NMT2: variants seen among roughly 807,000 people sequenced by gnomAD.
NMT2 encodes glycylpeptide N-tetradecanoyltransferase 2.
Under a neutral mutation model 65.4 loss-of-function variants are expected in NMT2, and 35 were observed. That is an observed-to-expected ratio of 0.54 (90% CI 0.41 to 0.71). NMT2 has a LOEUF of 0.71. Ranked by LOEUF, NMT2 falls within the 30% of genes least tolerant of loss-of-function variation. The probability of loss-of-function intolerance (pLI) is 0.00; values close to 1 mark genes in which losing one functional copy is unlikely to be tolerated. For missense variants in NMT2, 489 were observed against 611.3 expected (o/e 0.80, Z 2.11); for synonymous variants, 226 against 231.8 (o/e 0.98, Z 0.23).
chr10:15,124,211 A>G (rs751442683), intron 8 of NMT2, among the ~76,000 whole-genome samples: 16 of 152,210 alleles, frequency 1.1e-4, no homozygotes, highest in Non-Finnish European at 2.2e-4. Flanking sequence ...GAAATACTCA[A>G]CACCAGATCA....
intron 1 of NMT2, among the ~76,000 whole-genome samples, chr10:15,149,192 CCAT>C (rs750817666): frequency 6.7e-6 from 1 of 150,286 alleles, no homozygotes; most frequent in Non-Finnish European, 1.5e-5. Context: ...ACCACTGCCA[CCAT>C]CATCACCACC....
At chr10:15,137,051 T>C (rs908423679) in intron 2 of NMT2, among the ~76,000 whole-genome samples, 1 of 152,226 alleles carries the variant, frequency 6.6e-6, no homozygotes, top group African/African-American at 2.4e-5. Flanking sequence ...TTTTGCTGTA[T>C]GTCAACACAG....
In NMT2 at chr10:15,107,212, A is replaced by AT. The variant is rs1488204973; in HGVS notation, c.*1982dup. On this transcript the variant is annotated 3_prime_UTR_variant, in exon 12 of 12. Transcript: ENST00000378165. ...TTTGCACATGTCACAAAATGATGTC[A>AT]TTTTTTGGCTTTTTCTCCTCAACCA... The AT allele has an allele frequency of 5.5e-6, 2 of 361,410 alleles. No homozygotes were observed. Among genetic ancestry groups the AT allele is most frequent in the Non-Finnish European group, 3.8e-6 (1 of 259,880 alleles). 22.4% of individuals were successfully genotyped at this position (361,410 alleles called of 1,614,324 possible).
intron 1 of NMT2, among the ~76,000 whole-genome samples, chr10:15,142,842 C>A (rs1364060494): frequency 6.6e-6 from 1 of 152,162 alleles, no homozygotes; most frequent in Non-Finnish European, 1.5e-5. Context: ...CAGCCAGGTA[C>A]ATGAGCTAGA....
rs34668178 is a variant in NMT2, at chr10:15,147,095, C to CAAAAAAAAAA, written c.111-5548_111-5539dup. Among the ~76,000 whole-genome samples, 31 of 44,514 alleles carry CAAAAAAAAAA rather than the reference C, an allele frequency of 7.0e-4. 3 individuals carry two copies. The highest frequency in any genetic ancestry group is 1.2e-3 in the South Asian group (1 of 838). 29.2% of individuals were successfully genotyped at this position (44,514 alleles called of 152,430 possible). A position where few individuals can be genotyped will look rare whatever the true frequency, so the allele number is the denominator to read the frequency against. ...CAACAGCGAAAGATCCTCTCGCTCT[C>CAAAAAAAAAA]AAAAAAAAAAAAAAAAAAAAAAAAA... On this transcript the variant is annotated intron_variant, in intron 1 of 11. Coordinates refer to ENST00000378165, the MANE Select transcript of NMT2 (RefSeq NM_004808.3).
intron 1 of NMT2, among the ~76,000 whole-genome samples, chr10:15,153,598 C>T (rs559234521): frequency 1.3e-5 from 2 of 152,148 alleles, no homozygotes; most frequent in Non-Finnish European, 2.9e-5. Context: ...AATGAAAACA[C>T]GAAAATGTCT....
chr10:15,107,824 C>A lies in NMT2; in HGVS notation c.*1371G>T. ...GCCTCGGTTAGCATCTTATTTTTCC[C>A]GCAGATTATTGGCAATATAAACACA... On this transcript the variant is annotated 3_prime_UTR_variant, in exon 12 of 12. Transcript: ENST00000378165. 2 of 985,740 alleles carry A rather than the reference C, an allele frequency of 2.0e-6. No homozygotes were observed. The highest frequency in any genetic ancestry group is 2.4e-6 in the Non-Finnish European group (2 of 829,924). The allele number at this position is 985,740 out of a possible 1,614,324, so 61.1% of individuals were successfully genotyped here.
intron 9 of NMT2, among the ~76,000 whole-genome samples, 163 bp downstream of exon 9, chr10:15,119,180 G>GAGT (rs1468549274): frequency 6.6e-6 from 1 of 152,188 alleles, no homozygotes; most frequent in Non-Finnish European, 1.5e-5. Context: ...GTCCTTGATA[G>GAGT]AGTATTCAGA....
chr10:15,132,534 TCTC>T (rs1194331908), intron 6 of NMT2, among the ~76,000 whole-genome samples: 20 of 152,094 alleles, frequency 1.3e-4, no homozygotes, highest in Admixed American at 1.2e-3. Context: ...TTCAAGCAAT[TCTC>T]CTGCCTCAGC....
rs1845346860 is a variant in NMT2, at chr10:15,107,554, G to A, written c.*1641C>T. On this transcript the variant is annotated 3_prime_UTR_variant, in exon 12 of 12. Transcript: ENST00000378165. ...TGCAACTTCCGCCTCCTGGGTTCAA[G>A]TGATTCTCCTGCCTCAGCCTCCTAG... The A allele has an allele frequency of 2.7e-5, 16 of 603,604 alleles. No individual in the cohort carries two copies. The highest frequency in any genetic ancestry group is 3.1e-5 in the Non-Finnish European group (15 of 481,596). The allele number at this position is 603,604 out of a possible 1,614,324, so 37.4% of individuals were successfully genotyped here.
Position 15,133,274 on chromosome 10 carries a change from C to G in NMT2, c.481G>C (p.Asp161His). 2 of 1,614,012 alleles carry G rather than the reference C, an allele frequency of 1.2e-6. No individual in the cohort carries two copies. The highest frequency in any genetic ancestry group is 1.7e-6 in the Non-Finnish European group (2 of 1,179,908). ...TCGGCATCACTCAAGTCTAAAGTGT[C>G]CCACATAAAACCCTGTGGCAAAGAA... is the stretch of plus-strand genomic sequence containing the variant. ...PYSLPQGFMW[D>H]TLDLSDAEVL... The change falls in exon 4 of 12, where the codon GAC (aspartate) becomes CAC (histidine). Residue 161 changes from aspartate to histidine, a missense_variant. Coordinates refer to ENST00000378165, the MANE Select transcript of NMT2 (RefSeq NM_004808.3).
chr10:15,109,934 A>G, intron 10 of NMT2, 95 bp from the exon 11 acceptor site: 1 of 996,578 alleles, frequency 1.0e-6, no homozygotes. Context: ...TAGCTCGAAT[A>G]TGCATTTCTA....
At chr10:15,151,059 CTT>C (rs200879621) in intron 1 of NMT2, among the ~76,000 whole-genome samples, 48 of 139,642 alleles carry the variant, frequency 3.4e-4, no homozygotes, top group Admixed American at 5.0e-4. Flanking sequence ...TAGCTTCCTC[CTT>C]TTTTTTTTTT....
intron 1 of NMT2, among the ~76,000 whole-genome samples, chr10:15,144,117 A>G (rs919624198): frequency 4.6e-5 from 7 of 152,108 alleles, no homozygotes; most frequent in African/African-American, 1.4e-4. Flanking sequence ...GCTAAAATTT[A>G]TATTCTTATT....
At chr10:15,133,417 G>A (rs1846357764) in intron 3 of NMT2, 54 bp from the exon 4 acceptor site, 2 of 1,363,554 alleles carry the variant, frequency 1.5e-6, no homozygotes, top group Non-Finnish European at 2.1e-6. Context: ...AATATTAAAT[G>A]ACAAAGTATT....
chr10:15,135,281 T>C lies in NMT2; in HGVS notation c.384A>G (p.Pro128=), dbSNP rs17156338. 0.015 allele frequency: 24,924 copies of C among 1,613,844 alleles called. 3,000 individuals are homozygous for C. The African/African-American group carries it at 0.28, about 18-fold the overall frequency. The part of the protein sequence containing the change: ...RYQFWDTQPV[P]KLDEVITSHG... Reference sequence around the variant, plus strand: ...AAAAGCAGAAAAACTTACCTAGTTTTGGTACCGGTTGTGTGTCCCAAAACT... The same window carrying C: ...AAAAGCAGAAAAACTTACCTAGTTTCGGTACCGGTTGTGTGTCCCAAAACT... The change falls in exon 3 of 12, where the codon CCA becomes CCG. Residue 128 remains proline (P), a synonymous_variant. Coordinates refer to ENST00000378165, the MANE Select transcript of NMT2 (RefSeq NM_004808.3).
rs201561074 is a variant in NMT2 at position 15,139,863 on chromosome 10, C to CTA, written c.246+1557_246+1558dup. The CTA allele has an allele frequency of 4.6e-3, 316 of 69,448 alleles. 9 individuals are homozygous for CTA. The highest frequency in any genetic ancestry group is 6.6e-3 in the Non-Finnish European group (182 of 27,582). The allele number at this position is 69,448 out of a possible 1,614,324, so 4.3% of individuals were successfully genotyped here. On this transcript the variant is annotated intron_variant, in intron 2 of 11. Coordinates refer to ENST00000378165, the MANE Select transcript of NMT2 (RefSeq NM_004808.3). The stretch of plus-strand genomic sequence containing the variant: ...AAAGCTTGTAGAATGGTAACAACTA[C>CTA]TATATATATATATATATATATATAT...
rs752228707 is a variant in NMT2, at chr10:15,146,258, A to G, written c.111-4701T>C. Among the ~76,000 whole-genome samples the G allele has an allele frequency of 2.4e-4, 37 of 152,234 alleles. 1 individual carries two copies. The highest frequency in any genetic ancestry group is 1.3e-4 in the Non-Finnish European group (9 of 68,048). ...GAAACGAACACATTCCTTCTCAGCC[A>G]TGGAAATGGCAAAAATTTAATGAGC... On this transcript the variant is annotated intron_variant, in intron 1 of 11. Coordinates refer to ENST00000378165, the MANE Select transcript of NMT2 (RefSeq NM_004808.3).
chr10:15,168,226 G>A (rs1420310242), intron 1 of NMT2: 4 of 318,462 alleles, frequency 1.3e-5, no homozygotes, highest in Non-Finnish European at 2.3e-5. Flanking sequence ...CGGCGGGGAT[G>A]GGCGAGGCTG....
Sources: allele counts gnomAD v4.1 joint callset (sites outside exome capture counted in the v4.1 genomes callset), GRCh38; gene constraint gnomAD v4.1.1; transcripts MANE v1.5; gene names NCBI Gene and HGNC (gene_info 2026-07-23, HGNC 2026-07-21).